EDIL3: variants seen among roughly 807,000 people sequenced by gnomAD.
EDIL3 encodes the protein EGF-like repeat and discoidin I-like domain-containing protein 3.
Under a neutral mutation model 67.4 loss-of-function variants are expected in EDIL3, and 37 were observed. The ratio of observed to expected loss-of-function variants is 0.55; its 90% confidence interval spans 0.42 to 0.72. The LOEUF (loss-of-function observed/expected upper bound fraction) is 0.72. EDIL3 is among the 30% of genes least tolerant of loss of function. EDIL3 has a pLI of 0.00. For synonymous variants in EDIL3, 195 were observed against 196.3 expected (o/e 0.99, Z 0.05); for missense variants, 527 against 586.3 (o/e 0.90, Z 1.04).
intron 9 of EDIL3, among the ~76,000 whole-genome samples, chr5:83,991,779 G>A (rs954087536): frequency 5.3e-5 from 8 of 152,072 alleles, no homozygotes; most frequent in African/African-American, 1.4e-4. Context: ...ATCACAGGCC[G>A]ACCGCGGAAT....
intron 1 of EDIL3, among the ~76,000 whole-genome samples, chr5:84,355,890 C>T (rs1747469255): frequency 6.6e-6 from 1 of 152,186 alleles, no homozygotes; most frequent in Non-Finnish European, 1.5e-5. Flanking sequence ...TCCACAGCCA[C>T]CCCTTCCCCT....
intron 1 of EDIL3, among the ~76,000 whole-genome samples, chr5:84,255,455 G>A (rs575196654): frequency 1.3e-5 from 2 of 152,120 alleles, no homozygotes; most frequent in Non-Finnish European, 2.9e-5. Context: ...CATGGGTGTG[G>A]CTTTATTGCA....
intron 10 of EDIL3, among the ~76,000 whole-genome samples, chr5:83,955,536 A>G (rs1013522455): frequency 2.6e-5 from 4 of 151,734 alleles, no homozygotes; most frequent in Admixed American, 1.3e-4. Context: ...AGAAAAAACA[A>G]TAAGCATGTA....
In EDIL3 at chr5:84,282,027, C is replaced by G. The variant is rs530565145; in HGVS notation, c.68-27815G>C. On this transcript the variant is annotated intron_variant, in intron 1 of 10. Transcript: ENST00000296591. ...GATTACAGGTGCCGGCCACTACACC[C>G]AGCTAATTTTTTTTTTTTCATTTTT... 1.4e-3 allele frequency among the ~76,000 whole-genome samples: 202 copies of G among 149,518 alleles called. 3 individuals carry two copies. The South Asian group carries it at 0.042, about 31-fold the overall frequency.
chr5:84,272,428 A>T (rs561821866), intron 1 of EDIL3, among the ~76,000 whole-genome samples: 1 of 152,108 alleles, frequency 6.6e-6, no homozygotes, highest in Non-Finnish European at 1.5e-5. Flanking sequence ...GGAGGTTTTA[A>T]CTTATTTATC....
At chr5:84,313,717 C>T (rs757331848) in intron 1 of EDIL3, among the ~76,000 whole-genome samples, 23 of 152,214 alleles carry the variant, frequency 1.5e-4, no homozygotes, top group Non-Finnish European at 3.2e-4. Context: ...GCCCAGGCCA[C>T]ATCTCCGACC....
At chr5:84,176,193 TATATA>T (rs1437361784) in intron 4 of EDIL3, among the ~76,000 whole-genome samples, 7 of 28,916 alleles carry the variant, frequency 2.4e-4, no homozygotes, top group African/African-American at 1.3e-3. Context: ...TATATATATA[TATATA>T]ATATATATAT....
At chr5:84,105,915 C>A (rs1382301052) in intron 6 of EDIL3, among the ~76,000 whole-genome samples, 1 of 152,054 alleles carries the variant, frequency 6.6e-6, no homozygotes, top group Non-Finnish European at 1.5e-5. Flanking sequence ...ATACTGAATT[C>A]TTCCTCCCTT....
At chr5:84,022,064 G>T (rs1285757076) in intron 9 of EDIL3, among the ~76,000 whole-genome samples, 1 of 151,858 alleles carries the variant, frequency 6.6e-6, no homozygotes, top group African/African-American at 2.4e-5. Flanking sequence ...GGCATTCTAT[G>T]AGGCCAGTAT....
chr5:83,978,257 C>T (rs1369059512), intron 9 of EDIL3, among the ~76,000 whole-genome samples: 8 of 151,808 alleles, frequency 5.3e-5, no homozygotes, highest in Admixed American at 1.3e-4. Context: ...TTCACTACAA[C>T]GACAAATGTT....
chr5:84,302,441 C>T (rs1364148592), intron 1 of EDIL3, among the ~76,000 whole-genome samples: 5 of 152,064 alleles, frequency 3.3e-5, no homozygotes, highest in Admixed American at 6.6e-5. Flanking sequence ...GGACTACAGG[C>T]GCCTGACACC....
At chr5:84,187,530 T>C (rs1232050604) in intron 3 of EDIL3, among the ~76,000 whole-genome samples, 1 of 152,102 alleles carries the variant, frequency 6.6e-6, no homozygotes, top group Admixed American at 6.6e-5. Context: ...GTACACTTTA[T>C]GTAGTAAGGA....
intron 9 of EDIL3, among the ~76,000 whole-genome samples, chr5:84,026,063 C>T (rs442848): frequency 0.87 from 132,382 of 152,174 alleles, 58,014 homozygotes; most frequent in Non-Finnish European, 0.92. Flanking sequence ...ATGGGCAGCA[C>T]TGGCATGACC....
intron 5 of EDIL3, among the ~76,000 whole-genome samples, chr5:84,131,849 T>C (rs1375186398): frequency 6.6e-6 from 1 of 152,150 alleles, no homozygotes; most frequent in East Asian, 1.9e-4. Flanking sequence ...AATCTCATCA[T>C]GTATTTATCT....
chr5:84,269,136 G>A (rs554598597), intron 1 of EDIL3, among the ~76,000 whole-genome samples: 32 of 151,948 alleles, frequency 2.1e-4, no homozygotes, highest in African/African-American at 6.5e-4. Flanking sequence ...TCTTTCACAC[G>A]AATGGACAGA....
At chr5:83,979,425 A>G (rs1425009428) in intron 9 of EDIL3, among the ~76,000 whole-genome samples, 1 of 152,160 alleles carries the variant, frequency 6.6e-6, no homozygotes, top group Non-Finnish European at 1.5e-5. Flanking sequence ...TATTTCTGAG[A>G]TAAATTATCA....
At chr5:84,022,658 C>CAGAT (rs1745739131) in intron 9 of EDIL3, among the ~76,000 whole-genome samples, 2 of 151,426 alleles carry the variant, frequency 1.3e-5, no homozygotes, top group Non-Finnish European at 2.9e-5. Context: ...GACAGACAGA[C>CAGAT]AAATTGCCAC....
chr5:84,032,435 T>C (rs1367897860), intron 9 of EDIL3, among the ~76,000 whole-genome samples: 2 of 152,196 alleles, frequency 1.3e-5, no homozygotes, highest in Non-Finnish European at 2.9e-5. Context: ...ATAGGTGAAA[T>C]AGGAAAATTA....
chr5:84,226,534 C>A (rs976260611), intron 3 of EDIL3, among the ~76,000 whole-genome samples: 2 of 151,678 alleles, frequency 1.3e-5, no homozygotes, highest in East Asian at 3.9e-4. Context: ...CAATTATTTG[C>A]AAATCTGATA....
Sources: allele counts gnomAD v4.1 joint callset (sites outside exome capture counted in the v4.1 genomes callset), GRCh38; gene constraint gnomAD v4.1.1; transcripts MANE v1.5; gene names NCBI Gene and HGNC (gene_info 2026-07-23, HGNC 2026-07-21).